Variants in MDGA1 observed in about 807,000 individuals in gnomAD.
MDGA1 encodes the protein MAM domain-containing glycosylphosphatidylinositol anchor protein 1.
A neutral mutation model predicts 101.5 loss-of-function variants in MDGA1; 54 were observed. The observed-to-expected ratio is 0.53, with a 90% confidence interval of 0.43 to 0.67. MDGA1 has a LOEUF of 0.67. Ranked by LOEUF, MDGA1 falls within the 30% of genes least tolerant of loss-of-function variation. The probability of loss-of-function intolerance (pLI) is 0.00; values close to 1 mark genes in which losing one functional copy is unlikely to be tolerated. For synonymous variants in MDGA1, 533 were observed against 558.3 expected (o/e 0.95, Z 0.64); for missense variants, 1,083 against 1,323.8 (o/e 0.82, Z 2.82).
chr6:37,658,399 T>A lies in MDGA1; in HGVS notation c.228A>T (p.Ala76=). The change falls in exon 3 of 17, where the codon GCA becomes GCT. Residue 76 remains alanine (A), a synonymous_variant. Coordinates refer to ENST00000434837, the MANE Select transcript of MDGA1 (RefSeq NM_153487.4). ...PRPQVRWTKT[A]GSASDKFQET... Reference sequence around the variant, plus strand: ...CCTGGAACTTGTCCGAGGCGCTACCTGCCGTCTTGGTCCACCGTACCTGGG... The same window carrying A: ...CCTGGAACTTGTCCGAGGCGCTACCAGCCGTCTTGGTCCACCGTACCTGGG... 1 of 1,610,170 alleles carries A rather than the reference T, an allele frequency of 6.2e-7. No homozygotes were observed.
intron 6 of MDGA1, among the ~76,000 whole-genome samples, chr6:37,653,519 A>G (rs1761415548): frequency 6.6e-6 from 1 of 152,244 alleles, no homozygotes; most frequent in Admixed American, 6.5e-5. Context: ...ATCTTTAAAA[A>G]GAACAACCAA....
At chr6:37,654,184 G>A (rs956914599) in intron 6 of MDGA1, 90 bp downstream of exon 6, 35 of 1,399,566 alleles carry the variant, frequency 2.5e-5, no homozygotes, top group Non-Finnish European at 2.8e-5. Context: ...GAAGCAGACA[G>A]GCCCCTTTCC....
At chr6:37,695,271 A>G (rs1762392572) in intron 1 of MDGA1, among the ~76,000 whole-genome samples, 2 of 152,150 alleles carry the variant, frequency 1.3e-5, no homozygotes, top group South Asian at 4.1e-4. Context: ...GGGAGAAAGA[A>G]GAAAGTGAAA....
At chr6:37,641,576 T>G (rs1180206742) in intron 14 of MDGA1, among the ~76,000 whole-genome samples, 2 of 152,250 alleles carry the variant, frequency 1.3e-5, no homozygotes, top group Non-Finnish European at 2.9e-5. Flanking sequence ...ATATCTTTCT[T>G]TAAACTAACT....
rs528474641 is a variant in MDGA1 at position 37,644,716 on chromosome 6, C to G, written c.2249-67G>C. 241 of 1,401,448 alleles carry G rather than the reference C, an allele frequency of 1.7e-4. No individual in the cohort carries two copies. The Middle Eastern group carries it at 2.8e-3, about 16-fold the overall frequency. 86.8% of individuals were successfully genotyped at this position (1,401,448 alleles called of 1,614,324 possible). ...CAGTCCCTGAGGCCCAGCCTCGCCCCTCTCACCCCCCAGAGGCAGCTCCCA... is the reference window on the plus strand; with the variant it reads ...CAGTCCCTGAGGCCCAGCCTCGCCCGTCTCACCCCCCAGAGGCAGCTCCCA... On this transcript the variant is annotated intron_variant, in intron 12 of 16. Transcript: ENST00000434837.
At position 37,655,498 on chromosome 6, in the gene MDGA1, A is replaced by G. The variant is rs574405345; in HGVS notation, c.579+202T>C. 1.3e-5 allele frequency: 7 copies of G among 520,216 alleles called. No homozygotes were observed. Among genetic ancestry groups the G allele is most frequent in the Non-Finnish European group, 2.4e-5 (7 of 297,012 alleles). 32.2% of individuals were successfully genotyped at this position (520,216 alleles called of 1,614,324 possible). A position where few individuals can be genotyped will look rare whatever the true frequency, so the allele number is the denominator to read the frequency against. On this transcript the variant is annotated intron_variant, in intron 4 of 16. Coordinates refer to ENST00000434837, the MANE Select transcript of MDGA1 (RefSeq NM_153487.4). This position sits in a 1 kb window ranked among gnomAD's most constrained non-coding sequence, Gnocchi z 5.1. Reference sequence around the variant, plus strand: ...CTGGAGGACATGTTGCCTCGGGGACACTCCTGCCCTCATTGCTGCTCCCTG... The same window carrying G: ...CTGGAGGACATGTTGCCTCGGGGACGCTCCTGCCCTCATTGCTGCTCCCTG...
In MDGA1 at chr6:37,680,821, G is replaced by A. The variant is rs191057682; in HGVS notation, c.67+15924C>T. The stretch of plus-strand genomic sequence containing the variant: ...AGCCCAGATCTGGCACGGGCGCAGC[G>A]GGTGAGCGCACGCCTGGCGCAGGCC... On this transcript the variant is annotated intron_variant, in intron 1 of 16. Coordinates refer to ENST00000434837, the MANE Select transcript of MDGA1 (RefSeq NM_153487.4). Among the ~76,000 whole-genome samples, 23 of 152,370 alleles carry A rather than the reference G, an allele frequency of 1.5e-4. 1 individual carries two copies. The East Asian group carries it at 3.1e-3, about 20-fold the overall frequency.
At chr6:37,686,223 T>C (rs531059282) in intron 1 of MDGA1, among the ~76,000 whole-genome samples, 1 of 152,286 alleles carries the variant, frequency 6.6e-6, no homozygotes, top group African/African-American at 2.4e-5. Flanking sequence ...GCCTGCCTTT[T>C]AAAGGTTCCT....
In MDGA1 at chr6:37,654,376, T is replaced by C. The variant is rs1241208498; in HGVS notation, c.880A>G (p.Ser294Gly). The C allele has an allele frequency of 4.3e-6, 7 of 1,613,552 alleles. No homozygotes were observed. Among genetic ancestry groups the C allele is most frequent in the Non-Finnish European group, 5.9e-6 (7 of 1,179,698 alleles). Reference sequence around the variant, plus strand: ...TCCCGGGCCTGCACTGAAGGGATGCTGAGGGTGCCACCCTGGGCCAGAGCA... The same window carrying C: ...TCCCGGGCCTGCACTGAAGGGATGCCGAGGGTGCCACCCTGGGCCAGAGCA... ...LGALAQGGTL[S>G]IPSVQARDSG... The change falls in exon 6 of 17, where the codon AGC (serine) becomes GGC (glycine). Residue 294 changes from serine (S) to glycine (G), a missense_variant. Physicochemically the swap from Ser to Gly is moderately conservative, Grantham distance 56. This residue lies in a region of MDGA1 where 116 missense variants were observed against 196.6 expected (regional missense o/e 0.59). Coordinates refer to ENST00000434837, the MANE Select transcript of MDGA1 (RefSeq NM_153487.4).
At chr6:37,663,116 CCTTT>C (rs1289223773) in intron 2 of MDGA1, among the ~76,000 whole-genome samples, 4 of 152,128 alleles carry the variant, frequency 2.6e-5, no homozygotes, top group Non-Finnish European at 4.4e-5. Context: ...CAACTGTCAC[CCTTT>C]CTGTTGCTAT....
intron 1 of MDGA1, among the ~76,000 whole-genome samples, chr6:37,670,993 A>T (rs899767700): frequency 2.0e-5 from 3 of 152,288 alleles, no homozygotes; most frequent in African/African-American, 7.2e-5. Flanking sequence ...TTTGCTTGAC[A>T]CCATATTAGT....
At chr6:37,661,577 T>G (rs1372883098) in intron 2 of MDGA1, among the ~76,000 whole-genome samples, 1 of 152,092 alleles carries the variant, frequency 6.6e-6, no homozygotes. Flanking sequence ...CTAGAAGGCA[T>G]TTTAGGAGAG....
intron 2 of MDGA1, among the ~76,000 whole-genome samples, chr6:37,659,227 G>A (rs1490051528): frequency 6.6e-6 from 1 of 152,152 alleles, no homozygotes; most frequent in Non-Finnish European, 1.5e-5. Context: ...AGCTGCTCCC[G>A]GGTTCCTGTC....
intron 1 of MDGA1, among the ~76,000 whole-genome samples, chr6:37,673,820 G>A (rs1316259183): frequency 2.0e-5 from 3 of 152,120 alleles, no homozygotes; most frequent in Admixed American, 6.5e-5. Flanking sequence ...TTGCCTGAAC[G>A]CAGAGCATCT....
Position 37,646,333 on chromosome 6 carries a change from G to A in MDGA1, c.2089C>T (p.Arg697Cys). ...NAVVKAIPVR[R>C]VEKGQLLEYI... ...TCCAGCAGCTGCCCCTTCTCCACAC[G>A]CCGGACCGGGATGGCCTTGACCACC... The change falls in exon 11 of 17, where the codon CGT becomes TGT. Residue 697 changes from arginine (R) to cysteine (C), a missense_variant. Arg to Cys is a radical substitution (Grantham distance 180). Transcript: ENST00000434837. 1 of 1,580,506 alleles carries A rather than the reference G, an allele frequency of 6.3e-7. No homozygotes were observed. The highest frequency in any genetic ancestry group is 8.6e-7 in the Non-Finnish European group (1 of 1,162,438).
chr6:37,692,036 C>T (rs765547282), intron 1 of MDGA1, among the ~76,000 whole-genome samples: 2 of 152,162 alleles, frequency 1.3e-5, no homozygotes, highest in African/African-American at 2.4e-5. Context: ...GGGGTGGGTA[C>T]GTGGGAGCTG....
intron 1 of MDGA1, among the ~76,000 whole-genome samples, chr6:37,688,724 G>A (rs1313948258): frequency 2.6e-5 from 4 of 152,124 alleles, no homozygotes; most frequent in Admixed American, 1.3e-4. Context: ...GTTCACCTTC[G>A]AGTTTACAAA....
intron 1 of MDGA1, among the ~76,000 whole-genome samples, chr6:37,693,904 C>T (rs1022880275): frequency 6.6e-6 from 1 of 152,218 alleles, no homozygotes. Context: ...AGTGCTGCCT[C>T]CCCAGCCCTA....
chr6:37,651,272 C>T (rs1761353314), intron 7 of MDGA1, among the ~76,000 whole-genome samples: 1 of 152,200 alleles, frequency 6.6e-6, no homozygotes, highest in Admixed American at 6.5e-5. Flanking sequence ...TTAATTCAAC[C>T]CAACACATTG....
Sources: allele counts gnomAD v4.1 joint callset (sites outside exome capture counted in the v4.1 genomes callset), GRCh38; gene constraint gnomAD v4.1.1; regional missense constraint gnomAD v4.1.1; non-coding constraint Gnocchi (gnomAD v3.1); transcripts MANE v1.5; gene names NCBI Gene and HGNC (gene_info 2026-07-23, HGNC 2026-07-21).